CCDC158: variants seen among roughly 807,000 people sequenced by gnomAD.
The protein encoded by CCDC158 is coiled-coil domain-containing protein 158.
A neutral mutation model predicts 138.6 loss-of-function variants in CCDC158; 116 were observed. The ratio of observed to expected loss-of-function variants is 0.84; its 90% CI spans 0.72 to 0.98. The LOEUF is 0.98. Among genes scored for constraint, CCDC158 ranks in the 50% least tolerant of loss-of-function variants. CCDC158 has a pLI of 0.00. For missense variants in CCDC158, 1,265 were observed against 1,306.1 expected (o/e 0.97, Z 0.48); for synonymous variants, 436 against 442.4 (o/e 0.99, Z 0.18).
At chr4:76,371,869 C>A (rs1725276816) in intron 9 of CCDC158, among the ~76,000 whole-genome samples, 1 of 145,118 alleles carries the variant, frequency 6.9e-6, no homozygotes, top group Non-Finnish European at 1.5e-5. Flanking sequence ...ACCCGGGAGG[C>A]AGAGGTTGCA....
intron 24 of CCDC158, 106 bp from the exon 25 acceptor site, chr4:76,313,352 T>G (rs1719070572): frequency 1.7e-6 from 1 of 581,324 alleles, no homozygotes; most frequent in South Asian, 2.9e-5. Context: ...AGACATGTTC[T>G]GAGCTCAAGA....
At chr4:76,382,355 T>C (rs1726341102) in intron 8 of CCDC158, among the ~76,000 whole-genome samples, 1 of 152,160 alleles carries the variant, frequency 6.6e-6, no homozygotes, top group Non-Finnish European at 1.5e-5. Context: ...TTTATAGCAG[T>C]GTAAGAATGG....
chr4:76,394,384 G>A (rs1560467871), intron 4 of CCDC158, among the ~76,000 whole-genome samples: 1 of 152,088 alleles, frequency 6.6e-6, no homozygotes. Context: ...GGCACAGAAA[G>A]GCAGACATCA....
At chr4:76,357,216 C>T (rs1723656594) in intron 14 of CCDC158, among the ~76,000 whole-genome samples, 158 bp downstream of exon 14, 1 of 152,170 alleles carries the variant, frequency 6.6e-6, no homozygotes, top group Non-Finnish European at 1.5e-5. Context: ...TTAACTACTG[C>T]TACATAACCT....
In CCDC158 at chr4:76,403,008, A is replaced by G. The variant is rs372272341; in HGVS notation, c.70+130T>C. On this transcript the variant is annotated intron_variant, in intron 3 of 24. Transcript: ENST00000682701. ...TTCAAAAAGTAGAATTATAAACAATATGGTAGACATTCATGATCATGGTCT... is the reference window on the plus strand; with the variant it reads ...TTCAAAAAGTAGAATTATAAACAATGTGGTAGACATTCATGATCATGGTCT... 7.7e-6 allele frequency: 5 copies of G among 649,432 alleles called. No individual in the cohort carries two copies. The East Asian group carries it at 9.2e-5, about 12-fold the overall frequency. The allele number at this position is 649,432 out of a possible 1,614,324, so 40.2% of individuals were successfully genotyped here.
rs374536829 is a variant in CCDC158, at chr4:76,416,907, T to TG, written c.-117+4057dup. Reference sequence around the variant, plus strand: ...TGGAACCCCCACACAGAGTCCCTACTGGGCACTGCCTAATGGAGTTGTTAA... The same window carrying TG: ...TGGAACCCCCACACAGAGTCCCTACTGGGGCACTGCCTAATGGAGTTGTTAA... On this transcript the variant is annotated intron_variant, in intron 1 of 24. Coordinates refer to ENST00000682701, the MANE Select transcript of CCDC158 (RefSeq NM_001394954.1). Among the ~76,000 whole-genome samples the TG allele has an allele frequency of 4.6e-3, 702 of 152,318 alleles. 6 individuals carry two copies. Among genetic ancestry groups the TG allele is most frequent in the African/African-American group, 0.015 (643 of 41,582 alleles).
intron 1 of CCDC158, among the ~76,000 whole-genome samples, 157 bp from the exon 2 acceptor site, chr4:76,412,289 T>A (rs1264415507): frequency 1.3e-5 from 2 of 152,192 alleles, no homozygotes; most frequent in African/African-American, 4.8e-5. Flanking sequence ...GAAGTGTTAT[T>A]TTTTCCTTTT....
At chr4:76,397,969 A>C (rs1727981484) in intron 3 of CCDC158, among the ~76,000 whole-genome samples, 1 of 152,226 alleles carries the variant, frequency 6.6e-6, no homozygotes, top group Non-Finnish European at 1.5e-5. Context: ...AGAGAGCAAA[A>C]AATTGGGGCC....
At position 76,326,131 on chromosome 4, in the gene CCDC158, G is replaced by A. The variant is rs1164778551; in HGVS notation, c.3011-116C>T. On this transcript the variant is annotated intron_variant, in intron 22 of 24. Coordinates refer to ENST00000682701, the MANE Select transcript of CCDC158 (RefSeq NM_001394954.1). Reference sequence around the variant, plus strand: ...TGTTCCCAATGGTGGAGGGACAGGGGGACATTCTTCTAAATACCCAAGATT... The same window carrying A: ...TGTTCCCAATGGTGGAGGGACAGGGAGACATTCTTCTAAATACCCAAGATT... 6 of 805,826 alleles carry A rather than the reference G, an allele frequency of 7.4e-6. No homozygotes were observed. The African/African-American group carries it at 8.7e-5, about 12-fold the overall frequency. The allele number at this position is 805,826 out of a possible 1,614,324, so 49.9% of individuals were successfully genotyped here. A position where few individuals can be genotyped will look rare whatever the true frequency, so the allele number is the denominator to read the frequency against.
At chr4:76,336,529 A>T (rs1421702971) in intron 18 of CCDC158, among the ~76,000 whole-genome samples, 1 of 152,212 alleles carries the variant, frequency 6.6e-6, no homozygotes. Context: ...TAATATGCTT[A>T]TCTGGCCTTT....
At chr4:76,372,382 C>T (rs1725325882) in intron 9 of CCDC158, among the ~76,000 whole-genome samples, 1 of 151,954 alleles carries the variant, frequency 6.6e-6, no homozygotes, top group South Asian at 2.1e-4. Context: ...GTGGTTAAGG[C>T]TGCAGTGAGC....
At chr4:76,333,394 C>T (rs541594615) in intron 19 of CCDC158, among the ~76,000 whole-genome samples, 3 of 152,098 alleles carry the variant, frequency 2.0e-5, no homozygotes, top group African/African-American at 7.2e-5. Flanking sequence ...AATGATAACA[C>T]AAAAAAGTAA....
intron 13 of CCDC158, among the ~76,000 whole-genome samples, chr4:76,358,268 G>T (rs1471081611): frequency 1.3e-5 from 2 of 152,088 alleles, no homozygotes; most frequent in South Asian, 4.2e-4. Context: ...CAACCACTAA[G>T]TGCTGTTGAT....
intron 12 of CCDC158, among the ~76,000 whole-genome samples, chr4:76,363,653 G>C (rs563466975): frequency 6.6e-6 from 1 of 152,108 alleles, no homozygotes; most frequent in Non-Finnish European, 1.5e-5. Flanking sequence ...GAAGAGCAGG[G>C]ACATCAGTAG....
In CCDC158 at chr4:76,382,730, G is replaced by T. The variant is rs760472310; in HGVS notation, c.804-10C>A. On this transcript the variant is annotated splice_polypyrimidine_tract_variant and intron_variant, in intron 7 of 24. Transcript: ENST00000682701. The stretch of plus-strand genomic sequence containing the variant: ...TATTAACTGCTCAATCCTATAAAAA[G>T]AATGTGGTGATTGTCATTTGATACA... The T allele has an allele frequency of 1.6e-5, 25 of 1,542,656 alleles. No homozygotes were observed. Among genetic ancestry groups the T allele is most frequent in the Non-Finnish European group, 2.1e-5 (23 of 1,119,874 alleles).
intron 13 of CCDC158, 24 bp downstream of exon 13, chr4:76,362,102 A>G: frequency 6.2e-7 from 1 of 1,601,330 alleles, no homozygotes; most frequent in Non-Finnish European, 8.5e-7. Context: ...ATTTTTTAGT[A>G]GGATTTGTGC....
At chr4:76,386,269 C>A (rs1234390102) in intron 4 of CCDC158, among the ~76,000 whole-genome samples, 1 of 115,808 alleles carries the variant, frequency 8.6e-6, no homozygotes, top group South Asian at 3.0e-4. Context: ...CATAAGAACA[C>A]GAAAGTCAAG....
chr4:76,410,478 C>A (rs1729211335), intron 2 of CCDC158, among the ~76,000 whole-genome samples: 1 of 152,202 alleles, frequency 6.6e-6, no homozygotes, highest in Non-Finnish European at 1.5e-5. Context: ...AACCACCAGG[C>A]CTGGCCCAAG....
chr4:76,324,140 A>G (rs540705415), intron 23 of CCDC158, among the ~76,000 whole-genome samples: 12 of 152,164 alleles, frequency 7.9e-5, no homozygotes, highest in African/African-American at 2.6e-4. Context: ...ATTCAAGGCA[A>G]TTATCTAGGA....
Sources: allele counts gnomAD v4.1 joint callset (sites outside exome capture counted in the v4.1 genomes callset), GRCh38; gene constraint gnomAD v4.1.1; transcripts MANE v1.5; gene names NCBI Gene and HGNC (gene_info 2026-07-23, HGNC 2026-07-21).